The following LCORL variants were observed in gnomAD, a reference collection of about 807,000 sequenced individuals.
LCORL encodes ligand dependent nuclear receptor corepressor like, also known as ligand-dependent nuclear receptor corepressor-like protein.
Under a neutral mutation model 141.8 loss-of-function variants are expected in LCORL, and 41 were observed. That is an observed-to-expected ratio of 0.29 (90% CI 0.23 to 0.38). The LOEUF is 0.38. LCORL is among the 10% of genes least tolerant of loss of function. The pLI, the probability that LCORL is intolerant of heterozygous loss-of-function variation, is 1.00. For synonymous variants in LCORL, 618 were observed against 694.1 expected, an observed-to-expected ratio of 0.89 and a Z score of 1.72; for missense variants, 1,759 against 2,035.0, an observed-to-expected ratio of 0.86 and a Z score of 2.61.
intron 1 of LCORL, among the ~76,000 whole-genome samples, chr4:17,989,168 G>A (rs1328269950): frequency 2.0e-5 from 3 of 151,902 alleles, no homozygotes; most frequent in Non-Finnish European, 4.4e-5. Flanking sequence ...CTTCCAAATC[G>A]TTTTCCTTTA....
At chr4:17,874,910 T>C in exon 7 of LCORL, 1 of 1,233,880 alleles carries the variant, frequency 8.1e-7, no homozygotes, top group East Asian at 3.2e-5. Flanking sequence ...GCAGTTTATA[T>C]GATTTATGGA....
At chr4:17,977,672 T>C (rs993709169) in intron 1 of LCORL, among the ~76,000 whole-genome samples, 1 of 152,226 alleles carries the variant, frequency 6.6e-6, no homozygotes, top group Admixed American at 6.5e-5. Context: ...TACAATTCCT[T>C]TGTCTAATAA....
chr4:18,008,741 G>A (rs1723203992), intron 1 of LCORL, among the ~76,000 whole-genome samples: 1 of 152,092 alleles, frequency 6.6e-6, no homozygotes, highest in Admixed American at 6.6e-5. Context: ...ATTATTTCAA[G>A]GGGCAATTCT....
At chr4:17,987,619 A>C (rs954053776) in intron 1 of LCORL, among the ~76,000 whole-genome samples, 2 of 152,176 alleles carry the variant, frequency 1.3e-5, no homozygotes, top group Non-Finnish European at 2.9e-5. Context: ...AAAACTGACA[A>C]ACTGCTTCCC....
In LCORL at chr4:17,954,485, A is replaced by G. The variant is rs1170300496; in HGVS notation, c.430+7418T>C. On this transcript the variant is annotated intron_variant, in intron 4 of 7. Coordinates refer to ENST00000635767, the Ensembl canonical transcript of LCORL. Reference sequence around the variant, plus strand: ...GAGTCCTTGAGAGATTTTATTCTAAATAACATGTAAAGCCACTAAATGTTT... The same window carrying G: ...GAGTCCTTGAGAGATTTTATTCTAAGTAACATGTAAAGCCACTAAATGTTT... Among the ~76,000 whole-genome samples, 7 of 152,352 alleles carry G rather than the reference A, an allele frequency of 4.6e-5. No individual in the cohort carries two copies. In the South Asian group the frequency reaches 8.3e-4, roughly 18 times the overall value.
At chr4:17,899,421 C>T (rs1388650754) in intron 5 of LCORL, among the ~76,000 whole-genome samples, 2 of 152,064 alleles carry the variant, frequency 1.3e-5, no homozygotes, top group Non-Finnish European at 2.9e-5. Context: ...ATCAGCAGCC[C>T]TGAAGTACAG....
At chr4:18,005,235 A>T (rs1434584679) in intron 1 of LCORL, among the ~76,000 whole-genome samples, 1 of 152,256 alleles carries the variant, frequency 6.6e-6, no homozygotes, top group African/African-American at 2.4e-5. Context: ...CAAATTTTGA[A>T]GCTCAAAAAT....
chr4:17,951,121 C>G (rs1739658405), intron 4 of LCORL, among the ~76,000 whole-genome samples: 1 of 152,134 alleles, frequency 6.6e-6, no homozygotes, highest in African/African-American at 2.4e-5. Flanking sequence ...CGCTAAAGCT[C>G]CTATTTCTTT....
intron 4 of LCORL, among the ~76,000 whole-genome samples, chr4:17,955,839 T>C (rs1208958139): frequency 3.3e-5 from 5 of 152,044 alleles, no homozygotes; most frequent in African/African-American, 1.2e-4. Flanking sequence ...ATGATCATGG[T>C]TATCAAGCAC....
At chr4:18,016,599 C>T (rs1370066606) in intron 1 of LCORL, among the ~76,000 whole-genome samples, 3 of 152,022 alleles carry the variant, frequency 2.0e-5, no homozygotes, top group Non-Finnish European at 4.4e-5. Flanking sequence ...TTGGGATGTG[C>T]TATCAATGTA....
intron 4 of LCORL, among the ~76,000 whole-genome samples, chr4:17,923,638 T>C (rs1734644945): frequency 6.6e-6 from 1 of 151,970 alleles, no homozygotes; most frequent in South Asian, 2.1e-4. Context: ...AGAGTGAGAC[T>C]CAATCCCCGT....
At chr4:17,852,173 G>C (rs764511010) in intron 7 of LCORL, among the ~76,000 whole-genome samples, 23 of 152,058 alleles carry the variant, frequency 1.5e-4, no homozygotes, top group Non-Finnish European at 3.2e-4. Flanking sequence ...AAAATGATTA[G>C]AAAGCTGAAA....
intron 1 of LCORL, among the ~76,000 whole-genome samples, chr4:17,991,457 G>A (rs1372454457): frequency 6.6e-6 from 1 of 152,194 alleles, no homozygotes; most frequent in Non-Finnish European, 1.5e-5. Flanking sequence ...AATGTAGCTA[G>A]AGTCAACTGA....
At chr4:17,905,010 A>G (rs1197278434) in intron 5 of LCORL, among the ~76,000 whole-genome samples, 2 of 152,008 alleles carry the variant, frequency 1.3e-5, no homozygotes, top group African/African-American at 4.8e-5. Flanking sequence ...CCTTCAATAT[A>G]TTTTTATAAT....
chr4:18,017,287 AATC>A (rs1199484757), intron 1 of LCORL, among the ~76,000 whole-genome samples: 7 of 152,194 alleles, frequency 4.6e-5, no homozygotes, highest in Non-Finnish European at 8.8e-5. Context: ...GAAGTCAGAT[AATC>A]ATCAACTGAT....
At chr4:17,906,027 A>C (rs747382120) in intron 5 of LCORL, among the ~76,000 whole-genome samples, 18 of 152,218 alleles carry the variant, frequency 1.2e-4, no homozygotes, top group Non-Finnish European at 1.9e-4. Context: ...ATCATTCAAT[A>C]AGATACTGGC....
chr4:17,967,555 T>C (rs1269095650), intron 2 of LCORL, among the ~76,000 whole-genome samples: 2 of 152,214 alleles, frequency 1.3e-5, no homozygotes, highest in Non-Finnish European at 2.9e-5. Flanking sequence ...TAAAATATTT[T>C]AGTTAAAAAA....
Position 18,021,470 on chromosome 4 carries a change from T to G in LCORL, c.154+128A>C. 1 of 736,768 alleles carries G rather than the reference T, an allele frequency of 1.4e-6. No homozygotes were observed. The highest frequency in any genetic ancestry group is 2.0e-6 in the Non-Finnish European group (1 of 495,464). 45.6% of individuals were successfully genotyped at this position (736,768 alleles called of 1,614,324 possible). On this transcript the variant is annotated intron_variant, in intron 1 of 7. Coordinates refer to ENST00000635767, the Ensembl canonical transcript of LCORL. The surrounding 1 kb of genome is among the most constrained non-coding windows in gnomAD (Gnocchi z 5.5). Reference sequence around the variant, plus strand: ...CGCCGGGGCCGCCGCGCCGCGCCGCTCCCATCTCGCTCCCCCACCGAACTA... The same window carrying G: ...CGCCGGGGCCGCCGCGCCGCGCCGCGCCCATCTCGCTCCCCCACCGAACTA...
intron 4 of LCORL, among the ~76,000 whole-genome samples, chr4:17,919,830 G>C (rs1293683899): frequency 2.0e-5 from 3 of 152,126 alleles, no homozygotes; most frequent in Admixed American, 2.0e-4. Context: ...TTCTAACTGT[G>C]GGTCTTAAGA....
Sources: allele counts gnomAD v4.1 joint callset (sites outside exome capture counted in the v4.1 genomes callset), GRCh38; gene constraint gnomAD v4.1.1; non-coding constraint Gnocchi (gnomAD v3.1); transcripts MANE v1.5; gene names NCBI Gene and HGNC (gene_info 2026-07-23, HGNC 2026-07-21).